EPB41L4B: variants seen among roughly 807,000 people sequenced by gnomAD.
EPB41L4B encodes the protein erythrocyte membrane protein band 4.1 like 4B, also known as band 4.1-like protein 4B.
Under a neutral mutation model 112.5 loss-of-function variants are expected in EPB41L4B, and 30 were observed. That is an observed-to-expected ratio of 0.27 (90% confidence interval 0.20 to 0.36). EPB41L4B has a LOEUF of 0.36. Among genes scored for constraint, EPB41L4B ranks in the 10% least tolerant of loss-of-function variants. The pLI is 1.00. For synonymous variants in EPB41L4B, 408 were observed against 439.7 expected, an observed-to-expected ratio of 0.93 and a Z score of 0.90; for missense variants, 1,024 against 1,133.3, an observed-to-expected ratio of 0.90 and a Z score of 1.38.
rs1279102986 is a variant in EPB41L4B at position 109,233,529 on chromosome 9, CT to C, written c.1409+10088del. Among the ~76,000 whole-genome samples the C allele has an allele frequency of 9.6e-3, 1,274 of 132,632 alleles. 2 individuals are homozygous for C. Among genetic ancestry groups the C allele is most frequent in the Non-Finnish European group, 0.013 (794 of 62,668 alleles). 87.0% of individuals were successfully genotyped at this position (132,632 alleles called of 152,430 possible). Reference sequence around the variant, plus strand: ...TGTTACCTGAATTTCTGGGAACCTACTTTTTTTTTTTTTTTTTTTGAGATGG... The same window carrying C: ...TGTTACCTGAATTTCTGGGAACCTACTTTTTTTTTTTTTTTTTTGAGATGG... On this transcript the variant is annotated intron_variant, in intron 15 of 25. Coordinates refer to ENST00000374566, the MANE Select transcript of EPB41L4B (RefSeq NM_019114.5).
chr9:109,259,662 G>A (rs1835127797), intron 6 of EPB41L4B, among the ~76,000 whole-genome samples: 1 of 152,176 alleles, frequency 6.6e-6, no homozygotes, highest in Admixed American at 6.5e-5. Context: ...TGTAAAATGG[G>A]AATTGTTACA....
At chr9:109,243,467 G>A in intron 15 of EPB41L4B, 151 bp downstream of exon 15, 1 of 651,724 alleles carries the variant, frequency 1.5e-6, no homozygotes, top group Middle Eastern at 4.0e-4. Context: ...GGCTACCTTT[G>A]CTTTGAAAAT....
intron 1 of EPB41L4B, among the ~76,000 whole-genome samples, chr9:109,288,352 G>A (rs1023714166): frequency 6.6e-6 from 1 of 152,136 alleles, no homozygotes; most frequent in Non-Finnish European, 1.5e-5. Context: ...GGAGGCCAAG[G>A]CAGGAGGTTC....
rs185921203 is a variant in EPB41L4B, at chr9:109,225,189, T to C, written c.1410-8044A>G. Among the ~76,000 whole-genome samples the C allele has an allele frequency of 3.2e-4, 48 of 152,348 alleles. No homozygotes were observed. The East Asian group carries it at 9.2e-3, about 29-fold the overall frequency. On this transcript the variant is annotated intron_variant, in intron 15 of 25. Coordinates refer to ENST00000374566, the MANE Select transcript of EPB41L4B (RefSeq NM_019114.5). ...AAAGTACTAAGCACATAGCAGGTGC[T>C]CAACTAATACTGGTTAGACGGAGAA...
chr9:109,246,599 C>T (rs916264489), intron 14 of EPB41L4B, among the ~76,000 whole-genome samples: 5 of 152,128 alleles, frequency 3.3e-5, no homozygotes, highest in African/African-American at 9.7e-5. Flanking sequence ...ACATATGGAG[C>T]GTGATGGGAG....
At chr9:109,229,675 C>G (rs555586836) in intron 15 of EPB41L4B, among the ~76,000 whole-genome samples, 1 of 152,282 alleles carries the variant, frequency 6.6e-6, no homozygotes, top group African/African-American at 2.4e-5. Context: ...GGGGACAATT[C>G]CATATTCCTA....
intron 1 of EPB41L4B, among the ~76,000 whole-genome samples, chr9:109,315,240 C>G (rs568157051): frequency 1.3e-5 from 2 of 152,284 alleles, no homozygotes; most frequent in South Asian, 4.2e-4. Flanking sequence ...TGCCTCTGTT[C>G]TCACAGTTCT....
intron 20 of EPB41L4B, among the ~76,000 whole-genome samples, chr9:109,199,226 C>G (rs1421957146): frequency 2.6e-5 from 4 of 152,122 alleles, no homozygotes; most frequent in African/African-American, 9.7e-5. Flanking sequence ...TGTTGACAGA[C>G]GGGGCTGCCT....
chr9:109,241,838 T>C, intron 15 of EPB41L4B: 1 of 1,611,752 alleles, frequency 6.2e-7, no homozygotes, highest in Middle Eastern at 1.7e-4. Flanking sequence ...GAATGGTTAG[T>C]GGGAGAATGG....
intron 13 of EPB41L4B, among the ~76,000 whole-genome samples, chr9:109,248,620 T>C (rs1834649154): frequency 6.6e-6 from 1 of 152,142 alleles, no homozygotes; most frequent in Non-Finnish European, 1.5e-5. Context: ...AATCTTTTTG[T>C]TTGTTTTAAG....
At chr9:109,211,969 C>T (rs1833197090) in intron 17 of EPB41L4B, among the ~76,000 whole-genome samples, 1 of 151,956 alleles carries the variant, frequency 6.6e-6, no homozygotes, top group Non-Finnish European at 1.5e-5. Flanking sequence ...ATCCACCCGC[C>T]TTAGCCTCCC....
At chr9:109,215,270 ACTTTT>A (rs758384571) in intron 16 of EPB41L4B, among the ~76,000 whole-genome samples, 69 of 152,146 alleles carry the variant, frequency 4.5e-4, no homozygotes, top group Admixed American at 1.3e-3. Context: ...CCACTTCAGT[ACTTTT>A]CTTTTCTTTT....
At chr9:109,232,942 G>A (rs1588155413) in intron 15 of EPB41L4B, among the ~76,000 whole-genome samples, 2 of 152,174 alleles carry the variant, frequency 1.3e-5, no homozygotes, top group East Asian at 3.8e-4. Context: ...AATTTTAAGG[G>A]CTTAATGGTT....
intron 6 of EPB41L4B, among the ~76,000 whole-genome samples, chr9:109,259,464 C>G (rs746418): frequency 0.48 from 72,387 of 152,034 alleles, 17,469 homozygotes; most frequent in East Asian, 0.68. Flanking sequence ...CTGCTGCACA[C>G]ATCAGATCCC....
At chr9:109,316,820 G>A (rs1314602766) in intron 1 of EPB41L4B, among the ~76,000 whole-genome samples, 1 of 152,128 alleles carries the variant, frequency 6.6e-6, no homozygotes, top group Non-Finnish European at 1.5e-5. Context: ...AACACCCAGG[G>A]GCCAAGCGCA....
chr9:109,310,808 A>G (rs1837389658), intron 1 of EPB41L4B, among the ~76,000 whole-genome samples: 1 of 152,256 alleles, frequency 6.6e-6, no homozygotes, highest in Non-Finnish European at 1.5e-5. Flanking sequence ...CCATGAATGG[A>G]TAAACTGTAC....
chr9:109,239,743 G>A (rs1018663718), intron 15 of EPB41L4B: 5 of 843,402 alleles, frequency 5.9e-6, no homozygotes, highest in Non-Finnish European at 7.1e-6. Context: ...TAAGCAGAGA[G>A]GTATTTATTA....
Position 109,265,111 on chromosome 9 carries a change from C to A in EPB41L4B, c.534-87G>T, listed in dbSNP as rs1835352059. 5 of 1,033,034 alleles carry A rather than the reference C, an allele frequency of 4.8e-6. No homozygotes were observed. In the Admixed American group the frequency reaches 7.3e-5, roughly 15 times the overall value. 64.0% of individuals were successfully genotyped at this position (1,033,034 alleles called of 1,614,324 possible). A position where few individuals can be genotyped will look rare whatever the true frequency, so the allele number is the denominator to read the frequency against. On this transcript the variant is annotated intron_variant, in intron 4 of 25. Transcript: ENST00000374566. ...GCTTCCCACTGCAAACCCCACCCCA[C>A]ACACAGCATGGAGTTTTGCATTGTA... is the stretch of plus-strand genomic sequence containing the variant.
chr9:109,259,238 G>A (rs1050514221), intron 6 of EPB41L4B, among the ~76,000 whole-genome samples: 1 of 152,308 alleles, frequency 6.6e-6, no homozygotes, highest in Admixed American at 6.5e-5. Flanking sequence ...TCACAGGCCT[G>A]CCCATTTGTT....
Sources: gnomAD v4.1 joint callset for allele counts (sites outside exome capture counted in the v4.1 genomes callset) on GRCh38, gnomAD v4.1.1 for gene constraint, MANE v1.5 for transcripts, NCBI Gene and HGNC (gene_info 2026-07-23, HGNC 2026-07-21) for gene names.